The following ENOX2 variants were observed in gnomAD, a reference collection of about 807,000 sequenced individuals.
ENOX2 encodes ecto-NOX disulfide-thiol exchanger 2, also known as APK1 antigen.
In ENOX2, 36 loss-of-function variants were observed where a neutral mutation model predicts 45.0. The ratio of observed to expected loss-of-function variants is 0.80; its 90% confidence interval spans 0.61 to 1.06. The LOEUF (loss-of-function observed/expected upper bound fraction) is 1.06, where lower values mean the gene tolerates loss of function less well. Ranked by LOEUF, ENOX2 falls within the 50% of genes least tolerant of loss-of-function variation. The pLI is 0.00. For missense variants in ENOX2, 423 were observed against 462.5 expected (o/e 0.91, Z 0.78); for synonymous variants, 174 against 152.3 (o/e 1.14, Z -1.05).
intron 3 of ENOX2, among the ~76,000 whole-genome samples, chrX:130,752,036 T>G: frequency 8.9e-6 from 1 of 111,955 alleles, no homozygotes; most frequent in Middle Eastern, 4.6e-3. Flanking sequence ...TATGTCTTTC[T>G]GATAGATTGA....
At chrX:130,879,993 T>A (rs931479925) in intron 2 of ENOX2, among the ~76,000 whole-genome samples, 1 of 111,801 alleles carries the variant, frequency 8.9e-6, no homozygotes, top group Non-Finnish European at 1.9e-5. Context: ...AAAGAACCTA[T>A]ATGCAGAGTG....
chrX:130,752,523 T>C (rs1254841990), intron 3 of ENOX2, among the ~76,000 whole-genome samples: 1 of 110,729 alleles, frequency 9.0e-6, no homozygotes, highest in East Asian at 2.8e-4. Flanking sequence ...TGTCTCAGTG[T>C]GTCTCTCAAT....
At chrX:130,862,742 ATGAG>A (rs1344146339) in intron 2 of ENOX2, among the ~76,000 whole-genome samples, 1 of 111,744 alleles carries the variant, frequency 8.9e-6, no homozygotes, top group Non-Finnish European at 1.9e-5. Context: ...AAATAAATGA[ATGAG>A]TATGAAACAG....
intron 2 of ENOX2, among the ~76,000 whole-genome samples, chrX:130,844,482 C>T (rs766882645): frequency 8.9e-6 from 1 of 111,824 alleles, no homozygotes; most frequent in Admixed American, 9.5e-5. Context: ...TTCTATCCTT[C>T]GTAAAGAATA....
At chrX:130,742,694 T>C (rs1318747660) in intron 3 of ENOX2, among the ~76,000 whole-genome samples, 6 of 111,651 alleles carry the variant, frequency 5.4e-5, no homozygotes, top group Non-Finnish European at 1.1e-4. Context: ...CCAAATAAAC[T>C]AGGGTTTAGA....
intron 2 of ENOX2, among the ~76,000 whole-genome samples, chrX:130,822,774 T>C (rs1241793057): frequency 3.6e-5 from 4 of 110,799 alleles, no homozygotes; most frequent in African/African-American, 1.3e-4. Context: ...ACTTAAAGTA[T>C]AATAATAATA....
chrX:130,701,489 A>G (rs972568633), intron 4 of ENOX2, among the ~76,000 whole-genome samples: 19 of 111,725 alleles, frequency 1.7e-4, no homozygotes, highest in Non-Finnish European at 3.0e-4. Context: ...TACATTAGTA[A>G]TGATTTTTGA....
At chrX:130,793,938 T>C (rs1265346449) in intron 2 of ENOX2, among the ~76,000 whole-genome samples, 1 of 112,276 alleles carries the variant, frequency 8.9e-6, no homozygotes, top group African/African-American at 3.2e-5. Context: ...TGATCTATCA[T>C]TTTCCTTAGA....
At chrX:130,811,481 A>G (rs1012398636) in intron 2 of ENOX2, among the ~76,000 whole-genome samples, 1 of 112,673 alleles carries the variant, frequency 8.9e-6, no homozygotes, top group African/African-American at 3.2e-5. Context: ...GCACCAGGCC[A>G]GCCTGCTCAA....
intron 12 of ENOX2, among the ~76,000 whole-genome samples, chrX:130,632,652 G>A (rs768913684): frequency 1.5e-4 from 17 of 111,821 alleles, no homozygotes; most frequent in Non-Finnish European, 2.6e-4. Context: ...ACCCTTAGAA[G>A]GGACAGGATT....
Position 130,856,226 on chromosome X carries a change from A to G in ENOX2, c.-183+45458T>C, listed in dbSNP as rs182162057. Among the ~76,000 whole-genome samples, 130 of 112,612 alleles carry G rather than the reference A, an allele frequency of 1.2e-3. 1 individual carries two copies. Among genetic ancestry groups the G allele is most frequent in the Admixed American group, 0.01 (111 of 10,654 alleles). On this transcript the variant is annotated intron_variant, in intron 2 of 14. Transcript: ENST00000394363. ...TTACACGTAGCACCATTTTTGATCA[A>G]GAAAGTCATTTCACAGCAAATGAAG...
chrX:130,663,384 A>T (rs2036745179), intron 9 of ENOX2, among the ~76,000 whole-genome samples: 1 of 110,715 alleles, frequency 9.0e-6, no homozygotes, highest in African/African-American at 3.3e-5. Flanking sequence ...ACAAAAAATT[A>T]GCCAGGCATG....
intron 3 of ENOX2, among the ~76,000 whole-genome samples, chrX:130,721,833 T>C (rs1473101590): frequency 1.8e-5 from 2 of 112,299 alleles, no homozygotes; most frequent in African/African-American, 6.5e-5. Context: ...ACCTATTCTC[T>C]GGAACAGAAA....
intron 2 of ENOX2, among the ~76,000 whole-genome samples, chrX:130,838,677 G>T (rs2077966837): frequency 1.8e-5 from 2 of 111,880 alleles, no homozygotes; most frequent in African/African-American, 6.5e-5. Flanking sequence ...CAGAATGATA[G>T]AAAGCATGAT....
chrX:130,645,920 C>G (rs2036221554), intron 10 of ENOX2: 1 of 698,241 alleles, frequency 1.4e-6, no homozygotes, highest in Admixed American at 2.2e-5. Context: ...TTAACTTGGG[C>G]AATAGCAGTC....
chrX:130,828,987 A>G (rs1243031783), intron 2 of ENOX2, among the ~76,000 whole-genome samples: 3 of 111,918 alleles, frequency 2.7e-5, no homozygotes, highest in African/African-American at 6.5e-5. Flanking sequence ...CACTGTTAAA[A>G]GTAATCTATG....
chrX:130,874,040 T>C (rs1268891806), intron 2 of ENOX2, among the ~76,000 whole-genome samples: 1 of 110,462 alleles, frequency 9.1e-6, no homozygotes, highest in African/African-American at 3.3e-5. Context: ...ACTTAAAGTA[T>C]AACAAACAAA....
chrX:130,732,631 T>C (rs1455913471), intron 3 of ENOX2, among the ~76,000 whole-genome samples: 1 of 111,218 alleles, frequency 9.0e-6, no homozygotes, highest in Non-Finnish European at 1.9e-5. Flanking sequence ...CAAAACAGTA[T>C]GGTACTGGCT....
At chrX:130,776,195 T>C (rs1179290333) in intron 3 of ENOX2, among the ~76,000 whole-genome samples, 1 of 111,652 alleles carries the variant, frequency 9.0e-6, no homozygotes, top group African/African-American at 3.3e-5. Flanking sequence ...TGAAATTCAG[T>C]TTTACTCACC....
Sources: allele counts gnomAD v4.1 joint callset (sites outside exome capture counted in the v4.1 genomes callset), GRCh38; gene constraint gnomAD v4.1.1; transcripts MANE v1.5; gene names NCBI Gene and HGNC (gene_info 2026-07-23, HGNC 2026-07-21).